ARFGAP3: variants seen among roughly 807,000 people sequenced by gnomAD.
The protein encoded by ARFGAP3 is ARF GTPase activating protein 3.
ARFGAP3 carries 72 observed loss-of-function variants against 75.0 expected under a neutral mutation model. The ratio of observed to expected loss-of-function variants is 0.96; its 90% CI spans 0.79 to 1.17. The LOEUF (loss-of-function observed/expected upper bound fraction) is 1.17, where lower values mean the gene tolerates loss of function less well. Ranked by LOEUF, ARFGAP3 falls within the 50% of genes most tolerant of loss-of-function variation. The pLI is 0.00. For missense variants in ARFGAP3, 620 were observed against 626.6 expected (o/e 0.99, Z 0.11); for synonymous variants, 221 against 217.9 (o/e 1.01, Z -0.13).
chr22:42,818,343 A>G (rs1425347848), intron 9 of ARFGAP3, among the ~76,000 whole-genome samples: 1 of 152,206 alleles, frequency 6.6e-6, no homozygotes, highest in Non-Finnish European at 1.5e-5. Flanking sequence ...GGATCCTTCC[A>G]TTTACAAAAT....
intron 2 of ARFGAP3, among the ~76,000 whole-genome samples, chr22:42,844,511 G>A (rs1242692739): frequency 6.6e-6 from 1 of 151,782 alleles, no homozygotes; most frequent in Non-Finnish European, 1.5e-5. Context: ...CTTGAACCCG[G>A]GAGGCGGAGG....
chr22:42,849,417 G>C (rs1047918712), intron 1 of ARFGAP3, among the ~76,000 whole-genome samples: 4 of 152,170 alleles, frequency 2.6e-5, no homozygotes, highest in African/African-American at 9.7e-5. Flanking sequence ...TGCCCACTGA[G>C]GGCACTGAGA....
chr22:42,809,072 T>A (rs1041428529), intron 12 of ARFGAP3, 182 bp from the exon 13 acceptor site: 2 of 406,994 alleles, frequency 4.9e-6, no homozygotes, highest in African/African-American at 4.4e-5. Flanking sequence ...CGATACAAAA[T>A]TTGAAGGAAT....
At chr22:42,844,501 C>T (rs374917546) in intron 2 of ARFGAP3, among the ~76,000 whole-genome samples, 60 of 151,336 alleles carry the variant, frequency 4.0e-4, no homozygotes, top group Admixed American at 1.1e-3. Flanking sequence ...AGGAGAATTG[C>T]TTGAACCCGG....
intron 9 of ARFGAP3, 97 bp downstream of exon 9, chr22:42,822,173 C>T (rs1925839056): frequency 2.1e-6 from 2 of 971,176 alleles, no homozygotes; most frequent in Non-Finnish European, 3.1e-6. Flanking sequence ...CCCTCCCTTC[C>T]CCCCCCACAC....
chr22:42,815,874 A>T (rs8139278), intron 11 of ARFGAP3, among the ~76,000 whole-genome samples: 1 of 152,062 alleles, frequency 6.6e-6, no homozygotes, highest in South Asian at 2.1e-4. Context: ...GCACTTTGGG[A>T]GGCTGAGGCC....
chr22:42,833,685 G>C (rs1569159928), intron 5 of ARFGAP3, among the ~76,000 whole-genome samples: 1 of 152,198 alleles, frequency 6.6e-6, no homozygotes, highest in Non-Finnish European at 1.5e-5. Flanking sequence ...GAACCCAGGA[G>C]GCGGAGATTG....
At chr22:42,844,518 G>A (rs1926922326) in intron 2 of ARFGAP3, among the ~76,000 whole-genome samples, 1 of 151,508 alleles carries the variant, frequency 6.6e-6, no homozygotes, top group Non-Finnish European at 1.5e-5. Flanking sequence ...CCGGGAGGCG[G>A]AGGTTGCAGT....
intron 1 of ARFGAP3, chr22:42,853,566 A>G: frequency 5.3e-6 from 1 of 187,274 alleles, no homozygotes. Flanking sequence ...AGGAATCTTC[A>G]ACTTGGCATC....
intron 14 of ARFGAP3, among the ~76,000 whole-genome samples, chr22:42,802,754 A>G (rs1443449844): frequency 1.3e-5 from 2 of 148,828 alleles, no homozygotes; most frequent in Non-Finnish European, 3.0e-5. Context: ...GGCGCCCACC[A>G]CCATGCCTGG....
intron 2 of ARFGAP3, among the ~76,000 whole-genome samples, chr22:42,843,148 G>A (rs987674356): frequency 3.3e-5 from 5 of 150,746 alleles, no homozygotes; most frequent in Admixed American, 2.7e-4. Context: ...TCCTGATGCT[G>A]TCTCCTGCTC....
chr22:42,840,939 C>T lies in ARFGAP3; in HGVS notation c.261+5G>A, dbSNP rs754291385. 3 of 1,613,526 alleles carry T rather than the reference C, an allele frequency of 1.9e-6. No individual in the cohort carries two copies. Among genetic ancestry groups the T allele is most frequent in the African/African-American group, 1.3e-5 (1 of 74,910 alleles). On this transcript the variant is annotated splice_donor_5th_base_variant and intron_variant, in intron 3 of 15. Coordinates refer to ENST00000263245, the MANE Select transcript of ARFGAP3 (RefSeq NM_014570.5). ...AGGAAAATGACGAGTTTGAGATGAA[C>T]TTACTGCACTAGCGTTTCCTCCGAC...
At chr22:42,815,872 G>C (rs1307743199) in intron 11 of ARFGAP3, among the ~76,000 whole-genome samples, 1 of 152,182 alleles carries the variant, frequency 6.6e-6, no homozygotes, top group African/African-American at 2.4e-5. Flanking sequence ...CAGCACTTTG[G>C]GAGGCTGAGG....
chr22:42,840,408 T>A (rs1057295541), intron 3 of ARFGAP3, among the ~76,000 whole-genome samples: 1 of 151,982 alleles, frequency 6.6e-6, no homozygotes, highest in Non-Finnish European at 1.5e-5. Context: ...AGTATTGAAC[T>A]CTTTTTGTTT....
chr22:42,833,581 C>A (rs1926388555), intron 5 of ARFGAP3, among the ~76,000 whole-genome samples: 1 of 152,174 alleles, frequency 6.6e-6, no homozygotes, highest in African/African-American at 2.4e-5. Context: ...TATGGTGAAA[C>A]CTCGTCTCTA....
rs1402395513 is a variant in ARFGAP3, at chr22:42,817,125, G to T, written c.1064+17C>A. 2.0e-6 allele frequency: 3 copies of T among 1,537,186 alleles called. No individual in the cohort carries two copies. The highest frequency in any genetic ancestry group is 2.7e-6 in the Non-Finnish European group (3 of 1,111,472). On this transcript the variant is annotated intron_variant, in intron 11 of 15. Coordinates refer to ENST00000263245, the MANE Select transcript of ARFGAP3 (RefSeq NM_014570.5). Reference sequence around the variant, plus strand: ...CTTTTCAAAATGACACTTCAACGATGATTTGTAATACAGTACCTTGAGCTG... The same window carrying T: ...CTTTTCAAAATGACACTTCAACGATTATTTGTAATACAGTACCTTGAGCTG...
At chr22:42,856,765 G>A (rs1287104038) in intron 1 of ARFGAP3, among the ~76,000 whole-genome samples, 2 of 151,756 alleles carry the variant, frequency 1.3e-5, no homozygotes, top group East Asian at 3.9e-4. Flanking sequence ...CGAGCCGGGA[G>A]CTCCCTCCTC....
At chr22:42,797,787 G>A in intron 15 of ARFGAP3, 182 bp from the exon 16 acceptor site, 1 of 971,848 alleles carries the variant, frequency 1.0e-6, no homozygotes, top group Non-Finnish European at 1.2e-6. Context: ...CAAGGCTGAG[G>A]GTAGGTGTGG....
Position 42,840,925 on chromosome 22 carries a change from G to A in ARFGAP3, c.261+19C>T, listed in dbSNP as rs774645916. 6 of 1,611,776 alleles carry A rather than the reference G, an allele frequency of 3.7e-6. No homozygotes were observed. In the South Asian group the frequency reaches 5.5e-5, roughly 15 times the overall value. ...ATATTTAAACAAGAAGGAAAATGACGAGTTTGAGATGAACTTACTGCACTA... is the reference window on the plus strand; with the variant it reads ...ATATTTAAACAAGAAGGAAAATGACAAGTTTGAGATGAACTTACTGCACTA... On this transcript the variant is annotated intron_variant, in intron 3 of 15. Coordinates refer to ENST00000263245, the MANE Select transcript of ARFGAP3 (RefSeq NM_014570.5).
Sources: allele counts gnomAD v4.1 joint callset (sites outside exome capture counted in the v4.1 genomes callset), GRCh38; gene constraint gnomAD v4.1.1; transcripts MANE v1.5; gene names NCBI Gene and HGNC (gene_info 2026-07-23, HGNC 2026-07-21).